Variants in BMAL2 observed in about 807,000 individuals in gnomAD.
The protein encoded by BMAL2 is basic helix-loop-helix ARNT-like protein 2.
chr12:27,389,293 A>G, the BMAL2 span: 2 of 1,569,974 alleles, frequency 1.3e-6, no homozygotes, highest in Non-Finnish European at 1.8e-6. Context: ...AATAGATGCC[A>G]AAAGTAAGTG....
chr12:27,410,371 T>G, the BMAL2 span, among the ~76,000 whole-genome samples: 2 of 152,072 alleles, frequency 1.3e-5, no homozygotes, highest in Non-Finnish European at 2.9e-5. Flanking sequence ...ATAGACTGGA[T>G]TAAGAAAATG....
At chr12:27,360,930 T>C in the BMAL2 span, among the ~76,000 whole-genome samples, 1 of 151,646 alleles carries the variant, frequency 6.6e-6, no homozygotes, top group Admixed American at 6.6e-5. Flanking sequence ...AAGGAAGTAA[T>C]TTAAACGTTT....
chr12:27,398,753 A>G, the BMAL2 span, among the ~76,000 whole-genome samples: 1 of 152,366 alleles, frequency 6.6e-6, no homozygotes, highest in South Asian at 2.1e-4. Flanking sequence ...TGATGAGATT[A>G]CATATATAAA....
the BMAL2 span, chr12:27,390,010 TG>T: frequency 6.7e-7 from 1 of 1,499,168 alleles, no homozygotes; most frequent in Non-Finnish European, 9.2e-7. Flanking sequence ...CAATAATAGA[TG>T]GTCAGAAAAT....
chr12:27,370,077 C>A, the BMAL2 span: 4 of 1,344,252 alleles, frequency 3.0e-6, no homozygotes, highest in Non-Finnish European at 4.3e-6. Flanking sequence ...GGCTTGCTGT[C>A]CATTCCCAGA....
At chr12:27,352,805 C>T in the BMAL2 span, among the ~76,000 whole-genome samples, 1 of 151,992 alleles carries the variant, frequency 6.6e-6, no homozygotes, top group African/African-American at 2.4e-5. Flanking sequence ...AAGCTGAGCA[C>T]CAAATCAAGA....
At chr12:27,350,260 G>A in the BMAL2 span, among the ~76,000 whole-genome samples, 32 of 152,320 alleles carry the variant, frequency 2.1e-4, no homozygotes, top group Admixed American at 1.8e-3. Context: ...TGGAATGTAG[G>A]TGATCAAAGC....
At chr12:27,417,455 T>G in the BMAL2 span, among the ~76,000 whole-genome samples, 2 of 152,332 alleles carry the variant, frequency 1.3e-5, no homozygotes, top group Admixed American at 1.3e-4. Flanking sequence ...TTATGGCTCT[T>G]AAGAATGCAG....
chr12:27,396,602 G>A, the BMAL2 span, among the ~76,000 whole-genome samples: 2 of 152,150 alleles, frequency 1.3e-5, no homozygotes, highest in African/African-American at 2.4e-5. Flanking sequence ...GGGAGTGGGC[G>A]CCTGCTGTAG....
At chr12:27,363,451 G>A in the BMAL2 span, among the ~76,000 whole-genome samples, 1,356 of 152,218 alleles carry the variant, frequency 8.9e-3, 3 homozygotes, top group Non-Finnish European at 0.015. Flanking sequence ...GAGCATGAGC[G>A]TTTCCATTGC....
the BMAL2 span, among the ~76,000 whole-genome samples, chr12:27,410,953 A>T: frequency 6.6e-6 from 1 of 152,150 alleles, no homozygotes; most frequent in Non-Finnish European, 1.5e-5. Flanking sequence ...AAGAGAAATT[A>T]TAAACTGTGG....
At chr12:27,396,208 G>T in the BMAL2 span, among the ~76,000 whole-genome samples, 3 of 152,326 alleles carry the variant, frequency 2.0e-5, no homozygotes, top group African/African-American at 7.2e-5. Context: ...CATCTCCTGA[G>T]AGTGTGGTTA....
At chr12:27,417,320 G>A in the BMAL2 span, among the ~76,000 whole-genome samples, 25 of 152,262 alleles carry the variant, frequency 1.6e-4, no homozygotes, top group African/African-American at 6.0e-4. Flanking sequence ...TCCCATAGTA[G>A]TTTTATATGA....
the BMAL2 span, among the ~76,000 whole-genome samples, chr12:27,411,953 G>C: frequency 0.77 from 117,152 of 152,040 alleles, 45,395 homozygotes; most frequent in Middle Eastern, 0.9. Context: ...CCACTATTTC[G>C]TCCTAAGAGT....
the BMAL2 span, among the ~76,000 whole-genome samples, chr12:27,362,607 TG>T: frequency 1.3e-5 from 2 of 152,212 alleles, no homozygotes; most frequent in African/African-American, 4.8e-5. Context: ...TTCTGACTTT[TG>T]TCTTAACTAC....
At chr12:27,397,548 C>T in the BMAL2 span, among the ~76,000 whole-genome samples, 1 of 152,182 alleles carries the variant, frequency 6.6e-6, no homozygotes, top group Non-Finnish European at 1.5e-5. Context: ...GGCCATTTCT[C>T]AGGATTTCTC....
the BMAL2 span, among the ~76,000 whole-genome samples, chr12:27,346,682 G>A: frequency 3.9e-5 from 6 of 152,150 alleles, no homozygotes; most frequent in African/African-American, 7.2e-5. Flanking sequence ...CTGTCAGACC[G>A]TGGCTCCCAG....
chr12:27,387,315 G>T, the BMAL2 span: 1 of 1,583,586 alleles, frequency 6.3e-7, no homozygotes, highest in Non-Finnish European at 8.7e-7. Context: ...ACTTAATTAT[G>T]ATCAGGTATC....
chr12:27,387,354 T>TTCAAAAAA, the BMAL2 span: 1 of 1,425,568 alleles, frequency 7.0e-7, no homozygotes, highest in Non-Finnish European at 9.8e-7. Context: ...CCATACAATG[T>TTCAAAAAA]TTAATTTTTT....
Sources: gnomAD v4.1 joint callset for allele counts (sites outside exome capture counted in the v4.1 genomes callset) on GRCh38, gnomAD v4.1.1 for gene constraint, MANE v1.5 for transcripts, NCBI Gene and HGNC (gene_info 2026-07-23, HGNC 2026-07-21) for gene names.